The following PSMD1 variants were observed in gnomAD, a reference collection of about 807,000 sequenced individuals.
PSMD1 encodes 26S proteasome non-ATPase regulatory subunit 1.
A neutral mutation model predicts 119.0 loss-of-function variants in PSMD1; 18 were observed. That is an observed-to-expected ratio of 0.15 (90% CI 0.10 to 0.22). The LOEUF is 0.22. Among genes scored for constraint, PSMD1 ranks in the 10% least tolerant of loss-of-function variants. The pLI is 1.00. For missense variants in PSMD1, 702 were observed against 1,158.5 expected, an observed-to-expected ratio of 0.61 and a Z score of 5.72; for synonymous variants, 374 against 396.6, an observed-to-expected ratio of 0.94 and a Z score of 0.68.
chr2:231,080,603 C>G (rs1694286683), intron 12 of PSMD1, among the ~76,000 whole-genome samples: 2 of 152,128 alleles, frequency 1.3e-5, no homozygotes, highest in African/African-American at 4.8e-5. Flanking sequence ...AGTCTAGGCC[C>G]TAACATTTTA....
chr2:231,108,931 A>G lies in PSMD1; in HGVS notation c.1883+21750A>G, dbSNP rs375511882. Reference sequence around the variant, plus strand: ...AGGAATCACATAAAACTAAAGTTATATTTGTAATAAAGAAGGGACACCACA... The same window carrying G: ...AGGAATCACATAAAACTAAAGTTATGTTTGTAATAAAGAAGGGACACCACA... On this transcript the variant is annotated intron_variant, in intron 16 of 24. Coordinates refer to ENST00000308696, the MANE Select transcript of PSMD1 (RefSeq NM_002807.4). 3 of 1,614,062 alleles carry G rather than the reference A, an allele frequency of 1.9e-6. No homozygotes were observed. In the African/African-American group the frequency reaches 4.0e-5, roughly 22 times the overall value.
At chr2:231,148,978 A>C (rs1696311239) in intron 18 of PSMD1, among the ~76,000 whole-genome samples, 1 of 152,264 alleles carries the variant, frequency 6.6e-6, no homozygotes, top group Admixed American at 6.5e-5. Flanking sequence ...TGGCTCAAAA[A>C]TAAAGATCAA....
In PSMD1 at chr2:231,130,034, A is replaced by AT. The variant is rs542170819; in HGVS notation, c.1884-8702_1884-8701insT. ...ACGCCCAGCTAATTTTTATATTTTT[A>AT]GTAGAGACGGGCTTCACTGTGTTGG... On this transcript the variant is annotated intron_variant, in intron 16 of 24. Coordinates refer to ENST00000308696, the MANE Select transcript of PSMD1 (RefSeq NM_002807.4). Among the ~76,000 whole-genome samples, 32 of 152,202 alleles carry AT rather than the reference A, an allele frequency of 2.1e-4. 1 individual carries two copies. The East Asian group carries it at 2.7e-3, about 13-fold the overall frequency.
At chr2:231,102,648 C>T (rs867187268) in intron 16 of PSMD1, among the ~76,000 whole-genome samples, 7 of 151,854 alleles carry the variant, frequency 4.6e-5, no homozygotes, top group African/African-American at 1.7e-4. Flanking sequence ...ACCCCATTGT[C>T]CTCACATTGG....
At chr2:231,124,125 T>C in intron 16 of PSMD1, 1 of 256,222 alleles carries the variant, frequency 3.9e-6, no homozygotes, top group South Asian at 4.9e-5. Context: ...TGCCAGAGAG[T>C]TCCCCCTAGA....
rs906082076 is a variant in PSMD1 at position 231,070,623 on chromosome 2, T to TA, written c.654+464dup. On this transcript the variant is annotated intron_variant, in intron 6 of 24. Transcript: ENST00000308696. ...TTCTATATATAAATTTGCTTGCACA[T>TA]AAAAAAAAATTCAGATGGTACAGAA... Among the ~76,000 whole-genome samples, 70 of 151,544 alleles carry TA rather than the reference T, an allele frequency of 4.6e-4. 1 individual carries two copies. Among genetic ancestry groups the TA allele is most frequent in the African/African-American group, 1.5e-3 (64 of 41,400 alleles).
chr2:231,134,063 T>G (rs1334104605), intron 16 of PSMD1, among the ~76,000 whole-genome samples: 1 of 152,230 alleles, frequency 6.6e-6, no homozygotes, highest in South Asian at 2.1e-4. Flanking sequence ...AGCAGAAAAT[T>G]ACAACTTTTT....
intron 16 of PSMD1, among the ~76,000 whole-genome samples, chr2:231,087,492 A>G (rs959994925): frequency 1.3e-5 from 2 of 152,212 alleles, no homozygotes; most frequent in African/African-American, 2.4e-5. Flanking sequence ...CTTCTTGTAT[A>G]TTGGTAGTTC....
rs903278317 is a variant in PSMD1, at chr2:231,057,004, C to G, written c.-22C>G. On this transcript the variant is annotated 5_prime_UTR_variant, in exon 1 of 25. Transcript: ENST00000308696. ...GCAGCTGGAACGGCGAGCGAGCCGA[C>G]GGGCGAGTGAGGGGCGCAGCCATGA... 1.9e-6 allele frequency: 3 copies of G among 1,539,754 alleles called. No homozygotes were observed. The African/African-American group carries it at 4.2e-5, about 22-fold the overall frequency.
chr2:231,075,374 A>AT (rs1448103136), intron 7 of PSMD1, 137 bp from the exon 8 acceptor site: 3 of 689,574 alleles, frequency 4.4e-6, no homozygotes, highest in Admixed American at 3.3e-5. Flanking sequence ...GATGTGTAGA[A>AT]TTTTTTATTT....
chr2:231,160,360 C>T (rs1427698957), intron 19 of PSMD1, among the ~76,000 whole-genome samples: 2 of 152,140 alleles, frequency 1.3e-5, no homozygotes, highest in African/African-American at 2.4e-5. Flanking sequence ...CTTAATAATT[C>T]GTAGGGTAAT....
intron 16 of PSMD1, chr2:231,108,889 G>A (rs1412773305): frequency 6.2e-7 from 1 of 1,614,150 alleles, no homozygotes; most frequent in Admixed American, 1.7e-5. Context: ...GGAGCATTTG[G>A]AGAGTAGTTT....
At chr2:231,095,697 G>A (rs1008259866) in intron 16 of PSMD1, among the ~76,000 whole-genome samples, 4 of 152,142 alleles carry the variant, frequency 2.6e-5, no homozygotes, top group Non-Finnish European at 5.9e-5. Flanking sequence ...GTTCTGCAAG[G>A]GGAATAGTAT....
chr2:231,064,493 A>G (rs1693847562), intron 4 of PSMD1, among the ~76,000 whole-genome samples: 1 of 152,208 alleles, frequency 6.6e-6, no homozygotes, highest in Admixed American at 6.5e-5. Flanking sequence ...TATATAATCT[A>G]AGGAAAATTC....
intron 22 of PSMD1, 46 bp downstream of exon 22, chr2:231,165,332 T>C (rs1403928194): frequency 6.6e-7 from 1 of 1,514,046 alleles, no homozygotes; most frequent in Non-Finnish European, 8.9e-7. Flanking sequence ...TCTCTGTCTC[T>C]GTCATGGTCG....
intron 16 of PSMD1, among the ~76,000 whole-genome samples, chr2:231,102,828 C>A (rs1045983373): frequency 6.6e-6 from 1 of 152,070 alleles, no homozygotes; most frequent in Admixed American, 6.5e-5. Flanking sequence ...GTTCAAGGCT[C>A]ACTGTTATAT....
intron 16 of PSMD1, among the ~76,000 whole-genome samples, chr2:231,130,701 G>C (rs1486397615): frequency 6.6e-6 from 1 of 152,170 alleles, no homozygotes; most frequent in Admixed American, 6.5e-5. Context: ...CATGCAATCA[G>C]TCCTCCTGCC....
intron 18 of PSMD1, 52 bp from the exon 19 acceptor site, chr2:231,153,512 G>A: frequency 1.6e-6 from 2 of 1,229,808 alleles, no homozygotes; most frequent in South Asian, 1.2e-5. Flanking sequence ...GTTCTAAAAT[G>A]GTACCGCAAA....
At chr2:231,086,410 A>C (rs1694443298) in intron 15 of PSMD1, among the ~76,000 whole-genome samples, 1 of 152,188 alleles carries the variant, frequency 6.6e-6, no homozygotes, top group Non-Finnish European at 1.5e-5. Flanking sequence ...TAATCCCAGC[A>C]CTTTGGGAGG....
Sources: gnomAD v4.1 joint callset for allele counts (sites outside exome capture counted in the v4.1 genomes callset) on GRCh38, gnomAD v4.1.1 for gene constraint, MANE v1.5 for transcripts, NCBI Gene and HGNC (gene_info 2026-07-23, HGNC 2026-07-21) for gene names.